MYPN: variants seen among roughly 807,000 people sequenced by gnomAD.
MYPN encodes myopalladin.
Under a neutral mutation model 129.4 loss-of-function variants are expected in MYPN, and 63 were observed. The ratio of observed to expected loss-of-function variants is 0.49; its 90% CI spans 0.40 to 0.60. The LOEUF (loss-of-function observed/expected upper bound fraction) is 0.60. MYPN is among the 20% of genes least tolerant of loss of function. The probability of loss-of-function intolerance (pLI) is 0.00; values close to 1 mark genes in which losing one functional copy is unlikely to be tolerated. For missense variants in MYPN, 1,596 were observed against 1,635.4 expected, an observed-to-expected ratio of 0.98 and a Z score of 0.42; for synonymous variants, 629 against 600.9, an observed-to-expected ratio of 1.05 and a Z score of -0.68.
At chr10:68,130,772 T>G (rs1301827745) in intron 2 of MYPN, among the ~76,000 whole-genome samples, 1 of 152,192 alleles carries the variant, frequency 6.6e-6, no homozygotes, top group African/African-American at 2.4e-5. Flanking sequence ...TCTTTCACAT[T>G]TAAGTTTTTA....
At chr10:68,101,230 C>A (rs558891779), upstream of MYPN, among the ~76,000 whole-genome samples, 1 of 152,180 alleles carries the variant, frequency 6.6e-6, no homozygotes, top group African/African-American at 2.4e-5. Context: ...AGAAACACTG[C>A]AACAAGCAAC....
At chr10:68,136,673 A>T (rs1468318689) in intron 2 of MYPN, 1 of 1,535,274 alleles carries the variant, frequency 6.5e-7, no homozygotes, top group Non-Finnish European at 8.7e-7. Flanking sequence ...CATTTGAATC[A>T]TTCCACTTAT....
In MYPN at chr10:68,110,713, C is replaced by G. The variant is rs866248737; in HGVS notation, c.-2+990C>G. On this transcript the variant is annotated intron_variant, in intron 1 of 19. Transcript: ENST00000358913. ...CTTGAGTTCACATAAAATTCATAAT[C>G]CTTTTCTAGGAAATTGAGAATGTCT... Among the ~76,000 whole-genome samples, 50 of 152,256 alleles carry G rather than the reference C, an allele frequency of 3.3e-4. No individual in the cohort carries two copies. The Middle Eastern group carries it at 0.014, about 41-fold the overall frequency.
rs1352696511 is a variant in MYPN, at chr10:68,174,194, C to G, written c.2102C>G (p.Pro701Arg). 3.1e-6 allele frequency: 5 copies of G among 1,613,956 alleles called. No individual in the cohort carries two copies. Among genetic ancestry groups the G allele is most frequent in the Admixed American group, 1.7e-5 (1 of 59,992 alleles). ...ACTGTTTTGAACTCCAATGCTCCCC[C>G]AGCGGTGACAACATCCAGTAAGCAG... Reference protein sequence around the residue: ...SMTVLNSNAPPAVTTSSKQVK... With the variant: ...SMTVLNSNAPRAVTTSSKQVK... The change falls in exon 11 of 20, where the codon CCA (proline) becomes CGA (arginine). Residue 701 changes from proline to arginine, a missense_variant. By Grantham distance (103) the Pro-to-Arg change is moderately radical. Transcript: ENST00000358913.
At chr10:68,122,954 A>C (rs919451183) in intron 2 of MYPN, among the ~76,000 whole-genome samples, 1 of 152,144 alleles carries the variant, frequency 6.6e-6, no homozygotes. Flanking sequence ...TTCAACATAT[A>C]ACCAATATAA....
chr10:68,210,081 A>T (rs2043883378), intron 19 of MYPN, among the ~76,000 whole-genome samples: 1 of 152,182 alleles, frequency 6.6e-6, no homozygotes, highest in African/African-American at 2.4e-5. Context: ...GGGGCTTAAG[A>T]TATCACCAGC....
intron 13 of MYPN, among the ~76,000 whole-genome samples, chr10:68,191,701 C>T (rs769868191): frequency 6.6e-6 from 1 of 152,066 alleles, no homozygotes; most frequent in African/African-American, 2.4e-5. Flanking sequence ...TTATAGTTTT[C>T]CTTGTAGAGA....
At chr10:68,166,163 T>G in intron 9 of MYPN, 131 bp from the exon 10 acceptor site, 1 of 1,051,906 alleles carries the variant, frequency 9.5e-7, no homozygotes, top group Non-Finnish European at 1.5e-6. Context: ...AATGCCCAGA[T>G]GATGATCTGT....
chr10:68,199,210 G>A (rs1396626373), intron 16 of MYPN, among the ~76,000 whole-genome samples, 158 bp from the exon 17 acceptor site: 3 of 152,060 alleles, frequency 2.0e-5, no homozygotes, highest in Admixed American at 6.6e-5. Flanking sequence ...TGTTTATTCA[G>A]ACTCTTCGTT....
chr10:68,171,150 A>T (rs1271116744), intron 10 of MYPN, among the ~76,000 whole-genome samples: 1 of 151,528 alleles, frequency 6.6e-6, no homozygotes, highest in African/African-American at 2.4e-5. Context: ...CTCTGTCAAA[A>T]AAAAAAAAGA....
At chr10:68,173,980 T>C in intron 10 of MYPN, 86 bp from the exon 11 acceptor site, 3 of 1,151,544 alleles carry the variant, frequency 2.6e-6, no homozygotes, top group South Asian at 1.2e-5. Context: ...CATCAAGTTA[T>C]AAACAGTCTG....
At chr10:68,172,367 A>G (rs1419931978) in intron 10 of MYPN, among the ~76,000 whole-genome samples, 1 of 152,192 alleles carries the variant, frequency 6.6e-6, no homozygotes, top group African/African-American at 2.4e-5. Flanking sequence ...ATAATTAAAT[A>G]AATAAAAATA....
Position 68,166,197 on chromosome 10 carries a change from A to T in MYPN, c.1601-97A>T, listed in dbSNP as rs74143032. ...GTTTTTGACAAGCATTTTCCCATTC[A>T]TACATTCCTCTGGTGTGAACACTTT... On this transcript the variant is annotated intron_variant, in intron 9 of 19. Transcript: ENST00000358913. The T allele has an allele frequency of 7.6e-4, 1,074 of 1,421,564 alleles. 8 individuals are homozygous for T. The African/African-American group carries it at 0.014, about 19-fold the overall frequency. 88.1% of individuals were successfully genotyped at this position (1,421,564 alleles called of 1,614,324 possible).
chr10:68,133,352 T>C (rs1198452931), intron 2 of MYPN, among the ~76,000 whole-genome samples: 1 of 152,058 alleles, frequency 6.6e-6, no homozygotes, highest in African/African-American at 2.4e-5. Context: ...AACAAATTTC[T>C]CAAAGGTAGA....
intron 7 of MYPN, 105 bp from the exon 8 acceptor site, chr10:68,161,624 T>C (rs2042978095): frequency 1.2e-6 from 1 of 830,686 alleles, no homozygotes; most frequent in African/African-American, 1.7e-5. Context: ...ATTGTATCAC[T>C]CCTGAGTGTG....
rs1347841033 is a variant in MYPN at position 68,211,493 on chromosome 10, A to T, written c.*1038A>T. 3 of 453,888 alleles carry T rather than the reference A, an allele frequency of 6.6e-6. No homozygotes were observed. The allele number at this position is 453,888 out of a possible 1,614,324, so 28.1% of individuals were successfully genotyped here. On this transcript the variant is annotated 3_prime_UTR_variant, in exon 20 of 20. Coordinates refer to ENST00000358913, the MANE Select transcript of MYPN (RefSeq NM_032578.4). Reference sequence around the variant, plus strand: ...TTTAATAGCTTTGAAATGCTTTGAGATCATTGGTCAAATTGCATTTTCTAT... The same window carrying T: ...TTTAATAGCTTTGAAATGCTTTGAGTTCATTGGTCAAATTGCATTTTCTAT...
chr10:68,107,562 G>A (rs1349972671), upstream of MYPN, among the ~76,000 whole-genome samples: 1 of 151,292 alleles, frequency 6.6e-6, no homozygotes, highest in Non-Finnish European at 1.5e-5. Context: ...CGTTGCCCAG[G>A]CTGGTCTCAA....
chr10:68,152,265 G>A (rs765683358), intron 6 of MYPN, among the ~76,000 whole-genome samples: 1 of 152,074 alleles, frequency 6.6e-6, no homozygotes, highest in Non-Finnish European at 1.5e-5. Flanking sequence ...GACTTAAAGA[G>A]TCTGTTTTAT....
Position 68,194,462 on chromosome 10 carries a change from A to G in MYPN, c.3025A>G (p.Thr1009Ala). The G allele has an allele frequency of 1.2e-6, 2 of 1,613,962 alleles. No homozygotes were observed. Among genetic ancestry groups the G allele is most frequent in the Non-Finnish European group, 1.7e-6 (2 of 1,179,910 alleles). Reference sequence around the variant, plus strand: ...GACATGCTCTCTGCACATTGAATCCACTACCAGTGATGACGATGGCAACTA... The same window carrying G: ...GACATGCTCTCTGCACATTGAATCCGCTACCAGTGATGACGATGGCAACTA... ...DGTCSLHIES[T>A]TSDDDGNYTI... The change falls in exon 14 of 20, where the codon ACT becomes GCT. Residue 1009 changes from threonine to alanine, a missense_variant. Transcript: ENST00000358913.
Sources: allele counts gnomAD v4.1 joint callset (sites outside exome capture counted in the v4.1 genomes callset), GRCh38; gene constraint gnomAD v4.1.1; transcripts MANE v1.5; gene names NCBI Gene and HGNC (gene_info 2026-07-23, HGNC 2026-07-21).